BTF3L4: variants seen among roughly 807,000 people sequenced by gnomAD.
BTF3L4 encodes transcription factor BTF3 homolog 4.
In BTF3L4, 6 loss-of-function variants were observed where a neutral mutation model predicts 16.8. The ratio of observed to expected loss-of-function variants is 0.36; its 90% CI spans 0.20 to 0.71. The LOEUF is 0.71. Ranked by LOEUF, BTF3L4 falls within the 30% of genes least tolerant of loss-of-function variation. BTF3L4 has a pLI of 0.58. For missense variants in BTF3L4, 92 were observed against 186.9 expected (o/e 0.49, Z 2.96); for synonymous variants, 39 against 59.8 (o/e 0.65, Z 1.60).
intron 2 of BTF3L4, chr1:52,060,683 A>G (rs41294470): frequency 0.025 from 24,413 of 981,258 alleles, 351 homozygotes; most frequent in Non-Finnish European, 0.028. Flanking sequence ...TACTTTTTGT[A>G]GTGGGTCCCA....
At chr1:52,075,279 C>T (rs1686901657) in intron 3 of BTF3L4, among the ~76,000 whole-genome samples, 2 of 151,198 alleles carry the variant, frequency 1.3e-5, no homozygotes, top group East Asian at 1.9e-4. Flanking sequence ...CTGGGCCGGG[C>T]GCGGTGGCTC....
intron 3 of BTF3L4, among the ~76,000 whole-genome samples, chr1:52,081,972 A>C (rs3015307): frequency 0.078 from 11,911 of 152,210 alleles, 1,336 homozygotes; most frequent in African/African-American, 0.24. Context: ...TCCATGGAGA[A>C]CACTCAGCAT....
chr1:52,078,394 CCATT>C (rs1298695709), intron 3 of BTF3L4, among the ~76,000 whole-genome samples: 1 of 151,824 alleles, frequency 6.6e-6, no homozygotes, highest in Non-Finnish European at 1.5e-5. Flanking sequence ...TAGGAGGTAT[CCATT>C]CATTCATTCA....
rs959212886 is a variant in BTF3L4 at position 52,090,627 on chromosome 1, C to T, written c.*3869C>T. 2.0e-5 allele frequency: 3 copies of T among 152,150 alleles called. No homozygotes were observed. The highest frequency in any genetic ancestry group is 2.9e-5 in the Non-Finnish European group (2 of 68,014). 9.4% of individuals were successfully genotyped at this position (152,150 alleles called of 1,614,324 possible). On this transcript the variant is annotated 3_prime_UTR_variant, in exon 6 of 6. Transcript: ENST00000313334. Reference sequence around the variant, plus strand: ...GATTATTTGATTTTCTTTTTACTTTCTCGTAGTGCCCAATGTGTAGTTTAC... The same window carrying T: ...GATTATTTGATTTTCTTTTTACTTTTTCGTAGTGCCCAATGTGTAGTTTAC...
At position 52,083,368 on chromosome 1, in the gene BTF3L4, T is replaced by C. The variant is rs1643941795; in HGVS notation, c.197T>C (p.Val66Ala). 2 of 1,613,430 alleles carry C rather than the reference T, an allele frequency of 1.2e-6. No individual in the cohort carries two copies. Among genetic ancestry groups the C allele is most frequent in the East Asian group, 4.5e-5 (2 of 44,866 alleles). Residue 66 changes from valine (V) to alanine (A), a missense_variant, in exon 4 of 6, where the codon GTT becomes GCT. Coordinates refer to ENST00000313334, the MANE Select transcript of BTF3L4 (RefSeq NM_152265.5). ...EVNMIKDDGT[V>A]IHFNNPKVQA... ...AACATGATTAAAGATGATGGGACAG[T>C]TATTCATTTCAACAATCCCAAAGTC...
At chr1:52,065,872 T>A (rs1039502830) in intron 3 of BTF3L4, among the ~76,000 whole-genome samples, 3 of 152,034 alleles carry the variant, frequency 2.0e-5, no homozygotes, top group Non-Finnish European at 4.4e-5. Context: ...ACCCTGTCTC[T>A]ACTAAAAATA....
At chr1:52,063,067 T>G (rs773664590) in intron 2 of BTF3L4, among the ~76,000 whole-genome samples, 1 of 152,200 alleles carries the variant, frequency 6.6e-6, no homozygotes, top group Non-Finnish European at 1.5e-5. Context: ...GGTCACAGAC[T>G]GGTACTGGTC....
chr1:52,081,688 A>G (rs747515214), intron 3 of BTF3L4, among the ~76,000 whole-genome samples: 34 of 152,322 alleles, frequency 2.2e-4, no homozygotes, highest in Non-Finnish European at 4.3e-4. Context: ...GTGTTTTTAG[A>G]ACAGCTGGGT....
At chr1:52,075,174 G>A (rs1044363260) in intron 3 of BTF3L4, among the ~76,000 whole-genome samples, 7 of 151,990 alleles carry the variant, frequency 4.6e-5, no homozygotes, top group African/African-American at 1.7e-4. Context: ...ATACTGTACT[G>A]TAATTTAACA....
chr1:52,075,844 T>C (rs1034019109), intron 3 of BTF3L4, among the ~76,000 whole-genome samples: 2 of 151,808 alleles, frequency 1.3e-5, no homozygotes, highest in Non-Finnish European at 2.9e-5. Flanking sequence ...TTTGTATTTT[T>C]AGTAGAGACG....
At chr1:52,064,968 T>A (rs773776206) in intron 3 of BTF3L4, 30 bp downstream of exon 3, 8 of 1,314,800 alleles carry the variant, frequency 6.1e-6, no homozygotes, top group Non-Finnish European at 2.2e-6. Flanking sequence ...TGTTAAATTG[T>A]GTGGGTACAT....
chr1:52,061,487 CAAAA>C (rs1169709967), intron 2 of BTF3L4, among the ~76,000 whole-genome samples: 1 of 48,172 alleles, frequency 2.1e-5, no homozygotes, highest in Non-Finnish European at 4.6e-5. Context: ...GACTCCGTCT[CAAAA>C]AAAAAAAAAA....
chr1:52,085,711 A>G (rs1404470386), intron 4 of BTF3L4, among the ~76,000 whole-genome samples: 2 of 151,938 alleles, frequency 1.3e-5, no homozygotes, highest in Admixed American at 6.6e-5. Context: ...TTAGCTGGGT[A>G]TGGTGGTGTT....
At chr1:52,063,300 T>C (rs765451109) in intron 2 of BTF3L4, among the ~76,000 whole-genome samples, 2 of 152,146 alleles carry the variant, frequency 1.3e-5, no homozygotes, top group African/African-American at 2.4e-5. Flanking sequence ...CTTTAAGACA[T>C]ATTGAATTTG....
chr1:52,087,334 T>C lies in BTF3L4; in HGVS notation c.*576T>C, dbSNP rs1643981833. On this transcript the variant is annotated 3_prime_UTR_variant, in exon 6 of 6. Coordinates refer to ENST00000313334, the MANE Select transcript of BTF3L4 (RefSeq NM_152265.5). ...TATCTTGAGGTATTTTGCCACTGGCTTCATGCTGGAGTAATGGGTAACATA... is the reference window on the plus strand; with the variant it reads ...TATCTTGAGGTATTTTGCCACTGGCCTCATGCTGGAGTAATGGGTAACATA... 1 of 152,372 alleles carries C rather than the reference T, an allele frequency of 6.6e-6. No homozygotes were observed. Among genetic ancestry groups the C allele is most frequent in the Non-Finnish European group, 1.5e-5 (1 of 68,044 alleles). 9.4% of individuals were successfully genotyped at this position (152,372 alleles called of 1,614,324 possible).
intron 2 of BTF3L4, among the ~76,000 whole-genome samples, chr1:52,063,970 C>T (rs1686582968): frequency 6.6e-6 from 1 of 152,228 alleles, no homozygotes; most frequent in Non-Finnish European, 1.5e-5. Context: ...TCAAGTCACT[C>T]CCATGCTTAA....
chr1:52,085,303 G>A lies in BTF3L4; in HGVS notation c.371-809G>A, dbSNP rs149681554. On this transcript the variant is annotated intron_variant, in intron 4 of 5. Transcript: ENST00000313334. ...CAAAGTGCTGGGATTACAAGCATGAGCCACTGTGCCCAGCTTTGTTGTTGT... is the reference window on the plus strand; with the variant it reads ...CAAAGTGCTGGGATTACAAGCATGAACCACTGTGCCCAGCTTTGTTGTTGT... Among the ~76,000 whole-genome samples the A allele has an allele frequency of 3.9e-3, 572 of 147,710 alleles. 3 individuals carry two copies. Among genetic ancestry groups the A allele is most frequent in the African/African-American group, 0.014 (556 of 40,084 alleles).
chr1:52,080,836 CTTTTTTTTTTT>C (rs34697464), intron 3 of BTF3L4, among the ~76,000 whole-genome samples: 1 of 83,594 alleles, frequency 1.2e-5, no homozygotes, highest in Non-Finnish European at 2.3e-5. Context: ...GCTCGGCCTT[CTTTTTTTTTTT>C]TTTTTTTTTT....
chr1:52,069,116 C>A (rs535561629), intron 3 of BTF3L4, among the ~76,000 whole-genome samples: 1 of 152,140 alleles, frequency 6.6e-6, no homozygotes, highest in Non-Finnish European at 1.5e-5. Flanking sequence ...TGCCCTCCCC[C>A]CATCCTGGTG....
Sources: gnomAD v4.1 joint callset for allele counts (sites outside exome capture counted in the v4.1 genomes callset) on GRCh38, gnomAD v4.1.1 for gene constraint, MANE v1.5 for transcripts, NCBI Gene and HGNC (gene_info 2026-07-23, HGNC 2026-07-21) for gene names.